The following KCNH5 variants were observed in gnomAD, a reference collection of about 807,000 sequenced individuals.
KCNH5 encodes the protein potassium voltage-gated channel subfamily H member 5.
KCNH5 carries 46 observed loss-of-function variants against 96.1 expected under a neutral mutation model. That is an observed-to-expected ratio of 0.48 (90% CI 0.38 to 0.61). The LOEUF (loss-of-function observed/expected upper bound fraction) is 0.61. Among genes scored for constraint, KCNH5 ranks in the 20% least tolerant of loss-of-function variants. KCNH5 has a pLI of 0.00. For synonymous variants in KCNH5, 439 were observed against 449.8 expected, an observed-to-expected ratio of 0.98 and a Z score of 0.30; for missense variants, 907 against 1,225.8, an observed-to-expected ratio of 0.74 and a Z score of 3.88.
rs71120241 is a variant in KCNH5, at chr14:62,908,782, A to ATTTTTTTTTTTTTTT, written c.1369+41336_1369+41350dup. Among the ~76,000 whole-genome samples the ATTTTTTTTTTTTTTT allele has an allele frequency of 1.4e-3, 34 of 23,720 alleles. 4 individuals carry two copies. Among genetic ancestry groups the ATTTTTTTTTTTTTTT allele is most frequent in the African/African-American group, 2.5e-3 (14 of 5,540 alleles). The allele number at this position is 23,720 out of a possible 152,430, so 15.6% of individuals were successfully genotyped here. On this transcript the variant is annotated intron_variant, in intron 7 of 10. Transcript: ENST00000322893. The stretch of plus-strand genomic sequence containing the variant: ...TTGCCCTTTGTTGATTTTGCTTTGT[A>ATTTTTTTTTTTTTTT]TTTTTTTTTTTTTTTTTTTTTTTTT...
intron 10 of KCNH5, among the ~76,000 whole-genome samples, chr14:62,715,313 A>G (rs1028395154): frequency 4.6e-5 from 7 of 152,182 alleles, no homozygotes; most frequent in African/African-American, 1.7e-4. Context: ...CACTTTCTAG[A>G]TCTGTGAATC....
intron 8 of KCNH5, among the ~76,000 whole-genome samples, chr14:62,816,133 T>C (rs1886973033): frequency 6.6e-6 from 1 of 151,912 alleles, no homozygotes; most frequent in Non-Finnish European, 1.5e-5. Context: ...AAATAACAGC[T>C]ACAAAGTTAT....
At chr14:62,913,716 T>C (rs902747832) in intron 7 of KCNH5, among the ~76,000 whole-genome samples, 10 of 152,192 alleles carry the variant, frequency 6.6e-5, no homozygotes, top group Admixed American at 3.3e-4. Context: ...TTTTACTCTA[T>C]ACTAGAAGAA....
chr14:62,767,968 T>C (rs912521636), intron 10 of KCNH5, among the ~76,000 whole-genome samples: 3 of 152,132 alleles, frequency 2.0e-5, no homozygotes, highest in Non-Finnish European at 4.4e-5. Context: ...GAAAGTCAAA[T>C]ACCACAAGTT....
At chr14:63,006,810 A>G (rs1566538559) in intron 2 of KCNH5, among the ~76,000 whole-genome samples, 1 of 152,184 alleles carries the variant, frequency 6.6e-6, no homozygotes. Context: ...ATGCACCTTC[A>G]CAACCAGTCA....
At chr14:62,897,921 A>T (rs1888847649) in intron 7 of KCNH5, among the ~76,000 whole-genome samples, 1 of 152,166 alleles carries the variant, frequency 6.6e-6, no homozygotes, top group Non-Finnish European at 1.5e-5. Flanking sequence ...AACCAATACT[A>T]ACCACAGAGG....
At chr14:62,833,537 G>A (rs1887403756) in intron 8 of KCNH5, among the ~76,000 whole-genome samples, 2 of 151,858 alleles carry the variant, frequency 1.3e-5, no homozygotes, top group Admixed American at 6.6e-5. Flanking sequence ...ATTCTAGTTT[G>A]TAAAATATTT....
rs556871436 is a variant in KCNH5 at position 62,787,423 on chromosome 14, A to G, written c.1823-7499T>C. Among the ~76,000 whole-genome samples, 35 of 152,342 alleles carry G rather than the reference A, an allele frequency of 2.3e-4. 1 individual carries two copies. The highest frequency in any genetic ancestry group is 3.4e-3 in the Middle Eastern group (1 of 294). Reference sequence around the variant, plus strand: ...GAGATTGGTTTATAAAGTTTAGGAAAAGGAACCATCTCCACAACATAAAAA... The same window carrying G: ...GAGATTGGTTTATAAAGTTTAGGAAGAGGAACCATCTCCACAACATAAAAA... On this transcript the variant is annotated intron_variant, in intron 9 of 10. Transcript: ENST00000322893.
chr14:62,853,460 T>TATATATATTATATATATATATC (rs1555360142), intron 7 of KCNH5, among the ~76,000 whole-genome samples: 3 of 89,538 alleles, frequency 3.4e-5, no homozygotes, highest in African/African-American at 7.8e-5. Flanking sequence ...AATAATCATA[T>TATATATATTATATATATATATC]ATATATATAT....
At chr14:62,775,084 G>C (rs943743624) in intron 10 of KCNH5, among the ~76,000 whole-genome samples, 1 of 152,072 alleles carries the variant, frequency 6.6e-6, no homozygotes, top group African/African-American at 2.4e-5. Context: ...GAGCATAAAT[G>C]GCATTTCAAG....
Position 62,791,206 on chromosome 14 carries a change from G to A in KCNH5, c.1822+11123C>T, listed in dbSNP as rs570656082. Among the ~76,000 whole-genome samples the A allele has an allele frequency of 2.6e-5, 4 of 151,774 alleles. No individual in the cohort carries two copies. In the South Asian group the frequency reaches 8.3e-4, roughly 31 times the overall value. ...AATATATGAAAGTATAAAACTCACT[G>A]GTGGAAGTAAATACACAGTCAAAAG... is the stretch of plus-strand genomic sequence containing the variant. On this transcript the variant is annotated intron_variant, in intron 9 of 10. Coordinates refer to ENST00000322893, the MANE Select transcript of KCNH5 (RefSeq NM_139318.5).
intron 10 of KCNH5, among the ~76,000 whole-genome samples, chr14:62,735,078 T>C (rs1315129711): frequency 3.3e-5 from 5 of 152,164 alleles, no homozygotes; most frequent in Non-Finnish European, 7.4e-5. Context: ...AGATGTCATA[T>C]CTGTCTCCAT....
chr14:62,757,563 A>G (rs1885650123), intron 10 of KCNH5, among the ~76,000 whole-genome samples: 1 of 152,002 alleles, frequency 6.6e-6, no homozygotes, highest in African/African-American at 2.4e-5. Flanking sequence ...ACAGCTGAAT[A>G]TAGATAAAGA....
intron 7 of KCNH5, among the ~76,000 whole-genome samples, chr14:62,853,453 A>AATCAAATATATATATATATATATAT (rs1887849376): frequency 3.3e-5 from 1 of 30,382 alleles, no homozygotes; most frequent in African/African-American, 1.3e-4. Flanking sequence ...CAAAAAGAAT[A>AATCAAATATATATATATATATATAT]ATCATATATA....
chr14:62,769,511 A>G (rs1041903155), intron 10 of KCNH5, among the ~76,000 whole-genome samples: 1 of 152,240 alleles, frequency 6.6e-6, no homozygotes, highest in Non-Finnish European at 1.5e-5. Context: ...CCACAGTGAT[A>G]TCAAAATTGC....
intron 7 of KCNH5, among the ~76,000 whole-genome samples, chr14:62,943,033 T>G (rs1375722441): frequency 2.0e-5 from 3 of 152,208 alleles, no homozygotes; most frequent in Admixed American, 2.0e-4. Context: ...GCTGAATACA[T>G]ATTTAATAAT....
chr14:62,907,830 C>T lies in KCNH5; in HGVS notation c.1369+42303G>A, dbSNP rs1169504458. On this transcript the variant is annotated intron_variant, in intron 7 of 10. Transcript: ENST00000322893. ...GAGCAGCATGTGCAACTTGCTCTGG[C>T]CCCTGCCCTGTGTAACAGCATAATA... is the stretch of plus-strand genomic sequence containing the variant. Among the ~76,000 whole-genome samples the T allele has an allele frequency of 5.3e-5, 8 of 152,144 alleles. No homozygotes were observed. The East Asian group carries it at 1.5e-3, about 29-fold the overall frequency.
chr14:62,880,991 T>C (rs993740786), intron 7 of KCNH5, among the ~76,000 whole-genome samples: 4 of 152,194 alleles, frequency 2.6e-5, no homozygotes, highest in Non-Finnish European at 4.4e-5. Flanking sequence ...GAGAAAAGAA[T>C]GCTACAAAAC....
At chr14:62,788,440 G>C (rs1322965282) in intron 9 of KCNH5, among the ~76,000 whole-genome samples, 1 of 152,140 alleles carries the variant, frequency 6.6e-6, no homozygotes, top group Admixed American at 6.6e-5. Context: ...CATGAACATT[G>C]TTGAAATGAC....
Sources: gnomAD v4.1 joint callset for allele counts (sites outside exome capture counted in the v4.1 genomes callset) on GRCh38, gnomAD v4.1.1 for gene constraint, MANE v1.5 for transcripts, NCBI Gene and HGNC (gene_info 2026-07-23, HGNC 2026-07-21) for gene names.